EGFL6: variants seen among roughly 807,000 people sequenced by gnomAD.
EGFL6 encodes the protein EGF like domain multiple 6.
EGFL6 carries 42 observed loss-of-function variants against 43.1 expected under a neutral mutation model. That is an observed-to-expected ratio of 0.98 (90% confidence interval 0.76 to 1.26). The LOEUF (loss-of-function observed/expected upper bound fraction) is 1.26, where lower values mean the gene tolerates loss of function less well. EGFL6 is among the 50% of genes most tolerant of loss of function. The probability of loss-of-function intolerance (pLI) is 0.00; values close to 1 mark genes in which losing one functional copy is unlikely to be tolerated. For synonymous variants in EGFL6, 164 were observed against 163.2 expected, an observed-to-expected ratio of 1.01 and a Z score of -0.04; for missense variants, 429 against 427.8, an observed-to-expected ratio of 1.00 and a Z score of -0.02.
intron 7 of EGFL6, among the ~76,000 whole-genome samples, chrX:13,616,416 C>A (rs1184826100): frequency 9.0e-6 from 1 of 111,108 alleles, no homozygotes; most frequent in African/African-American, 3.3e-5. Flanking sequence ...TCGAGACTAG[C>A]CTGGCCAACA....
intron 1 of EGFL6, among the ~76,000 whole-genome samples, chrX:13,584,714 G>A (rs1202400051): frequency 1.8e-5 from 2 of 112,061 alleles, no homozygotes; most frequent in Non-Finnish European, 3.8e-5. Context: ...CAATCGACTA[G>A]GATATAAGCT....
intron 2 of EGFL6, among the ~76,000 whole-genome samples, chrX:13,594,515 C>T (rs904659034): frequency 1.8e-5 from 2 of 112,001 alleles, no homozygotes; most frequent in South Asian, 3.7e-4. Flanking sequence ...GGAGATGAAA[C>T]GAGGCAAGAG....
chrX:13,578,186 G>C (rs781523567), intron 1 of EGFL6, among the ~76,000 whole-genome samples: 1 of 111,002 alleles, frequency 9.0e-6, no homozygotes, highest in African/African-American at 3.3e-5. Flanking sequence ...GTTATCTATT[G>C]CTATGCAACA....
intron 2 of EGFL6, among the ~76,000 whole-genome samples, chrX:13,591,084 G>C (rs2045560474): frequency 8.9e-6 from 1 of 112,059 alleles, no homozygotes; most frequent in Non-Finnish European, 1.9e-5. Context: ...GGCATGCATA[G>C]AAAATACCTC....
Position 13,569,888 on chromosome X carries a change from C to T in EGFL6, c.27C>T (p.Leu9=). ...TGCCTCTGCCCTGGAGCCTTGCGCT[C>T]CCGCTGCTGCTCTCCTGGGTGGCAG... MPLPWSLA[L]PLLLSWVAGG... The change falls in exon 1 of 12, where the codon CTC becomes CTT. Residue 9 remains leucine, a synonymous_variant. Transcript: ENST00000361306. 2 of 1,212,142 alleles carry T rather than the reference C, an allele frequency of 1.6e-6. No homozygotes were observed. Among genetic ancestry groups the T allele is most frequent in the Non-Finnish European group, 2.2e-6 (2 of 895,446 alleles).
chrX:13,621,887 C>A (rs1047865088), intron 9 of EGFL6, among the ~76,000 whole-genome samples: 1 of 112,479 alleles, frequency 8.9e-6, no homozygotes, highest in African/African-American at 3.2e-5. Context: ...AAAGAATGTG[C>A]CTGTGAGACC....
At chrX:13,578,848 C>T (rs750834202) in intron 1 of EGFL6, among the ~76,000 whole-genome samples, 193 of 110,303 alleles carry the variant, frequency 1.7e-3, no homozygotes, top group African/African-American at 5.8e-3. Context: ...TTAATGGGTG[C>T]AGCACACCAA....
chrX:13,627,368 A>G (rs2045787247), intron 11 of EGFL6, 92 bp downstream of exon 11: 1 of 1,065,117 alleles, frequency 9.4e-7, no homozygotes, highest in South Asian at 2.2e-5. Flanking sequence ...GTATGTAGGC[A>G]TTAAGGATAC....
intron 4 of EGFL6, 125 bp from the exon 5 acceptor site, chrX:13,603,192 T>C: frequency 1.2e-6 from 1 of 839,562 alleles, no homozygotes; most frequent in Non-Finnish European, 1.6e-6. Context: ...ACTCAGACAA[T>C]GAAACTTGTC....
intron 4 of EGFL6, 138 bp downstream of exon 4, chrX:13,600,232 C>T: frequency 2.5e-6 from 1 of 403,508 alleles, no homozygotes; most frequent in Non-Finnish European, 3.7e-6. Context: ...TTTTGTGGCA[C>T]TTGTTTCTTT....
intron 1 of EGFL6, among the ~76,000 whole-genome samples, chrX:13,583,569 C>T (rs1292907566): frequency 9.0e-6 from 1 of 111,721 alleles, no homozygotes; most frequent in Admixed American, 9.5e-5. Flanking sequence ...GTGTGTTCCC[C>T]TCTGGCTCCT....
intron 2 of EGFL6, among the ~76,000 whole-genome samples, chrX:13,593,458 C>G (rs4830510): frequency 0.45 from 49,422 of 110,110 alleles, 8,512 homozygotes; most frequent in East Asian, 0.79. Flanking sequence ...GCATGGGAAG[C>G]GGCTAGGCAG....
At chrX:13,589,520 T>C (rs1261137758) in intron 1 of EGFL6, 36 bp from the exon 2 acceptor site, 1 of 1,109,611 alleles carries the variant, frequency 9.0e-7, no homozygotes, top group East Asian at 3.1e-5. Context: ...GTCTTTTCTA[T>C]TTTCTCAATA....
In EGFL6 at chrX:13,617,972, G is replaced by A; in HGVS notation, c.1021G>A (p.Glu341Lys). Residue 341 changes from glutamate to lysine, a missense_variant, in exon 8 of 12, where the codon GAG (glutamate) becomes AAG (lysine). Transcript: ENST00000361306. ...AAAAGGGAATGAAGAGAAAATGAAA[G>A]AGGGGCTTGAGGATGAGAAAAGAGA... is the stretch of plus-strand genomic sequence containing the variant. ...GKKGNEEKMKEGLEDEKREEK... is the reference protein window; with the variant it reads ...GKKGNEEKMKKGLEDEKREEK... 3 of 1,211,831 alleles carry A rather than the reference G, an allele frequency of 2.5e-6. No homozygotes were observed. Among genetic ancestry groups the A allele is most frequent in the Non-Finnish European group, 3.3e-6 (3 of 895,536 alleles).
chrX:13,597,504 G>C (rs2045604488), intron 3 of EGFL6, among the ~76,000 whole-genome samples: 2 of 111,991 alleles, frequency 1.8e-5, no homozygotes, highest in South Asian at 7.5e-4. Flanking sequence ...TGCATTCAGG[G>C]TGGGCACAGT....
chrX:13,571,884 C>A (rs1054207104), intron 1 of EGFL6, among the ~76,000 whole-genome samples: 2 of 112,076 alleles, frequency 1.8e-5, no homozygotes, highest in Admixed American at 1.9e-4. Flanking sequence ...GCACCCATTG[C>A]AGAAAACTGT....
Position 13,627,031 on chromosome X carries a change from G to A in EGFL6, c.1306G>A (p.Val436Ile), listed in dbSNP as rs774615147. 5.0e-6 allele frequency: 6 copies of A among 1,210,533 alleles called. No individual in the cohort carries two copies. Among genetic ancestry groups the A allele is most frequent in the East Asian group, 5.9e-5 (2 of 33,800 alleles). Reference protein sequence around the residue: ...RDNAIGFYMAVPALAGHKKDI... With the variant: ...RDNAIGFYMAIPALAGHKKDI... ...TAAAGCTATTGGCTTCTATATGGCAGTTCCGGCCTTGGCAGGTCACAAGAA... is the reference window on the plus strand; with the variant it reads ...TAAAGCTATTGGCTTCTATATGGCAATTCCGGCCTTGGCAGGTCACAAGAA... The change falls in exon 11 of 12, where the codon GTT becomes ATT. Residue 436 changes from valine to isoleucine, a missense_variant. Transcript: ENST00000361306.
chrX:13,586,527 G>A (rs1382661812), intron 1 of EGFL6, among the ~76,000 whole-genome samples: 3 of 110,993 alleles, frequency 2.7e-5, no homozygotes, highest in African/African-American at 9.9e-5. Flanking sequence ...GCAGGCTGCC[G>A]ACTTCTCAAG....
intron 7 of EGFL6, among the ~76,000 whole-genome samples, chrX:13,610,245 T>G (rs1403957739): frequency 1.8e-5 from 2 of 111,894 alleles, no homozygotes; most frequent in African/African-American, 6.5e-5. Flanking sequence ...TGTAAATACT[T>G]TAAGAAATAT....
Sources: allele counts gnomAD v4.1 joint callset (sites outside exome capture counted in the v4.1 genomes callset), GRCh38; gene constraint gnomAD v4.1.1; transcripts MANE v1.5; gene names NCBI Gene and HGNC (gene_info 2026-07-23, HGNC 2026-07-21).